Variants in CHMP5 observed in about 807,000 individuals in gnomAD.
CHMP5 encodes the protein SNF7 domain containing 2.
In CHMP5, 17 loss-of-function variants were observed where a neutral mutation model predicts 33.0. The observed-to-expected ratio is 0.52, with a 90% CI of 0.35 to 0.77. The LOEUF (loss-of-function observed/expected upper bound fraction) is 0.77, where lower values mean the gene tolerates loss of function less well. CHMP5 is among the 30% of genes least tolerant of loss of function. The pLI is 0.01. For missense variants in CHMP5, 216 were observed against 261.5 expected (o/e 0.83, Z 1.20); for synonymous variants, 76 against 90.2 (o/e 0.84, Z 0.89).
chr9:33,274,802 G>T (rs1820833637), intron 5 of CHMP5, among the ~76,000 whole-genome samples: 1 of 152,100 alleles, frequency 6.6e-6, no homozygotes, highest in Non-Finnish European at 1.5e-5. Flanking sequence ...TTTTAGTAGA[G>T]ATGGGGTTTC....
intron 4 of CHMP5, 88 bp from the exon 5 acceptor site, chr9:33,271,062 ACT>A: frequency 8.4e-6 from 9 of 1,072,594 alleles, no homozygotes; most frequent in Non-Finnish European, 9.7e-6. Flanking sequence ...CAAGAGTGCA[ACT>A]CTGTCTCAAA....
At chr9:33,266,344 C>T (rs532282795) in intron 2 of CHMP5, among the ~76,000 whole-genome samples, 4 of 152,110 alleles carry the variant, frequency 2.6e-5, no homozygotes, top group Middle Eastern at 3.2e-3. Flanking sequence ...TGGTGGCAGG[C>T]GCCTGTAATC....
chr9:33,272,842 T>G (rs965782506), intron 5 of CHMP5, among the ~76,000 whole-genome samples: 8 of 152,128 alleles, frequency 5.3e-5, no homozygotes, highest in Non-Finnish European at 1.2e-4. Context: ...CCTCTCTTAT[T>G]TTTTCAAGCA....
chr9:33,275,822 C>A (rs999826455), intron 5 of CHMP5, among the ~76,000 whole-genome samples: 1 of 152,072 alleles, frequency 6.6e-6, no homozygotes, highest in African/African-American at 2.4e-5. Context: ...CCAGCCTAAC[C>A]AACATGGCAA....
chr9:33,273,684 T>C (rs961874560), intron 5 of CHMP5, among the ~76,000 whole-genome samples: 14 of 152,198 alleles, frequency 9.2e-5, no homozygotes, highest in Admixed American at 3.3e-4. Flanking sequence ...TTTCAGTTGC[T>C]GCATATCACT....
chr9:33,274,870 C>T (rs767182831), intron 5 of CHMP5, among the ~76,000 whole-genome samples: 1 of 152,178 alleles, frequency 6.6e-6, no homozygotes, highest in Non-Finnish European at 1.5e-5. Context: ...CCCACTTTGG[C>T]CTCCTGAAGT....
At chr9:33,276,620 G>T in intron 6 of CHMP5, 56 bp downstream of exon 6, 1 of 911,598 alleles carries the variant, frequency 1.1e-6, no homozygotes, top group South Asian at 1.4e-5. Context: ...AGCAACAGCT[G>T]CCTGGGACCT....
At chr9:33,268,194 G>C (rs555387601) in intron 3 of CHMP5, among the ~76,000 whole-genome samples, 3 of 152,230 alleles carry the variant, frequency 2.0e-5, no homozygotes, top group Non-Finnish European at 4.4e-5. Flanking sequence ...AGGAAATGAA[G>C]TTTAAATTTT....
At chr9:33,277,573 G>T (rs1355386986) in intron 6 of CHMP5, among the ~76,000 whole-genome samples, 1 of 152,206 alleles carries the variant, frequency 6.6e-6, no homozygotes, top group African/African-American at 2.4e-5. Context: ...GATGGTGGCC[G>T]AGACTAGCTA....
chr9:33,267,363 T>C (rs1820739626), intron 2 of CHMP5, among the ~76,000 whole-genome samples: 1 of 152,206 alleles, frequency 6.6e-6, no homozygotes, highest in East Asian at 1.9e-4. Flanking sequence ...TGAAATCAGC[T>C]AACAGGATGA....
chr9:33,269,461 A>G (rs955960024), intron 3 of CHMP5, among the ~76,000 whole-genome samples: 1 of 152,028 alleles, frequency 6.6e-6, no homozygotes, highest in African/African-American at 2.4e-5. Flanking sequence ...CTGAGATGGC[A>G]CCACTATACT....
chr9:33,276,533 C>T lies in CHMP5; in HGVS notation c.465C>T (p.Thr155=), dbSNP rs143004113. ...AAGCACTGAGTCGCAGTTATGGCAC[C>T]CCAGAACTGGATGAAGATGATTTAG... The part of the protein sequence containing the change: ...IQEALSRSYG[T]PELDEDDLEA... Residue 155 remains threonine (T), a synonymous_variant, in exon 6 of 8, where the codon ACC becomes ACT. Transcript: ENST00000223500. The T allele has an allele frequency of 1.1e-4, 182 of 1,604,436 alleles. No individual in the cohort carries two copies. In the African/African-American group the frequency reaches 2.2e-3, roughly 19 times the overall value.
chr9:33,271,283 G>A, intron 5 of CHMP5, 60 bp downstream of exon 5: 1 of 1,340,312 alleles, frequency 7.5e-7, no homozygotes. Context: ...ATCCAAACGA[G>A]TGTGCATGTG....
chr9:33,278,343 C>A, intron 7 of CHMP5, 118 bp downstream of exon 7: 2 of 656,518 alleles, frequency 3.0e-6, no homozygotes, highest in Non-Finnish European at 5.2e-6. Context: ...CAGTCCTGGT[C>A]ATTATTTTGT....
Position 33,278,100 on chromosome 9 carries a change from G to C in CHMP5, c.497-13G>C. The C allele has an allele frequency of 1.3e-6, 2 of 1,550,586 alleles. No individual in the cohort carries two copies. The highest frequency in any genetic ancestry group is 1.8e-6 in the Non-Finnish European group (2 of 1,127,408). Reference sequence around the variant, plus strand: ...GTTACATTTTTTTTAAATGTTGACTGTTTCAATCTCAGAGTTGGATGCACT... The same window carrying C: ...GTTACATTTTTTTTAAATGTTGACTCTTTCAATCTCAGAGTTGGATGCACT... On this transcript the variant is annotated splice_polypyrimidine_tract_variant and intron_variant, in intron 6 of 7. Transcript: ENST00000223500.
Position 33,271,322 on chromosome 9 carries a change from T to A in CHMP5, c.387+99T>A, listed in dbSNP as rs931229375. 1.0e-5 allele frequency: 10 copies of A among 961,300 alleles called. No individual in the cohort carries two copies. In the African/African-American group the frequency reaches 1.3e-4, roughly 13 times the overall value. The allele number at this position is 961,300 out of a possible 1,614,324, so 59.5% of individuals were successfully genotyped here. ...GGAAGAGCACAGGAGAGGAACTGAA[T>A]CTTGGGGCTGCCATTTACTAGTAGA... On this transcript the variant is annotated intron_variant, in intron 5 of 7. Coordinates refer to ENST00000223500, the MANE Select transcript of CHMP5 (RefSeq NM_016410.6).
intron 5 of CHMP5, among the ~76,000 whole-genome samples, chr9:33,273,537 G>A (rs1820819349): frequency 6.6e-6 from 1 of 152,046 alleles, no homozygotes; most frequent in South Asian, 2.1e-4. Flanking sequence ...TGGTGTGTAT[G>A]TGTCTTTGGT....
At chr9:33,270,515 TG>T (rs1820781043) in intron 3 of CHMP5, 107 bp from the exon 4 acceptor site, 2 of 914,244 alleles carry the variant, frequency 2.2e-6, no homozygotes, top group East Asian at 2.5e-5. Context: ...TTAAGTTTTT[TG>T]TTCCGTTGTT....
chr9:33,280,715 T>C, intron 7 of CHMP5, 94 bp from the exon 8 acceptor site: 1 of 1,184,354 alleles, frequency 8.4e-7, no homozygotes, highest in Non-Finnish European at 1.2e-6. Flanking sequence ...GATTAAATAC[T>C]TGGAAATGAG....
Sources: gnomAD v4.1 joint callset for allele counts (sites outside exome capture counted in the v4.1 genomes callset) on GRCh38, gnomAD v4.1.1 for gene constraint, MANE v1.5 for transcripts, NCBI Gene and HGNC (gene_info 2026-07-23, HGNC 2026-07-21) for gene names.